Variants in KLHL32 observed in about 807,000 individuals in gnomAD.
KLHL32 encodes the protein kelch like family member 32.
In KLHL32, 35 loss-of-function variants were observed where a neutral mutation model predicts 64.8. The ratio of observed to expected loss-of-function variants is 0.54; its 90% CI spans 0.41 to 0.72. The LOEUF (loss-of-function observed/expected upper bound fraction) is 0.72. KLHL32 is among the 30% of genes least tolerant of loss of function. The pLI is 0.00. For missense variants in KLHL32, 589 were observed against 768.5 expected (o/e 0.77, Z 2.76); for synonymous variants, 259 against 281.0 (o/e 0.92, Z 0.78).
chr6:97,028,877 G>A (rs1390531423), intron 3 of KLHL32, among the ~76,000 whole-genome samples: 1 of 152,224 alleles, frequency 6.6e-6, no homozygotes, highest in African/African-American at 2.4e-5. Flanking sequence ...TTTGTATGGT[G>A]GGTAGGAATG....
chr6:97,068,478 A>G (rs1406303673), intron 5 of KLHL32, among the ~76,000 whole-genome samples: 1 of 152,252 alleles, frequency 6.6e-6, no homozygotes, highest in Non-Finnish European at 1.5e-5. Flanking sequence ...AATAATGAAA[A>G]GAAAAATTAT....
intron 3 of KLHL32, among the ~76,000 whole-genome samples, chr6:96,989,755 T>C (rs867611600): frequency 5.9e-5 from 9 of 152,200 alleles, no homozygotes; most frequent in Non-Finnish European, 1.0e-4. Flanking sequence ...TTACCTGTGG[T>C]CTCTTTACAT....
At chr6:97,072,725 T>G (rs1050376775) in intron 5 of KLHL32, among the ~76,000 whole-genome samples, 1 of 152,218 alleles carries the variant, frequency 6.6e-6, no homozygotes, top group Non-Finnish European at 1.5e-5. Flanking sequence ...TATTTAACTT[T>G]CAAGTACTTG....
chr6:96,940,948 A>G (rs1046095512), intron 1 of KLHL32, among the ~76,000 whole-genome samples: 3 of 152,224 alleles, frequency 2.0e-5, no homozygotes, highest in African/African-American at 7.2e-5. Flanking sequence ...AATTCAGAGA[A>G]TGGAAAGCGT....
In KLHL32 at chr6:97,016,762, C is replaced by T. The variant is rs183772021; in HGVS notation, c.205-24730C>T. 5.5e-4 allele frequency among the ~76,000 whole-genome samples: 83 copies of T among 152,234 alleles called. 2 individuals are homozygous for T. Among genetic ancestry groups the T allele is most frequent in the Admixed American group, 3.1e-3 (48 of 15,288 alleles). On this transcript the variant is annotated intron_variant, in intron 3 of 10. Transcript: ENST00000369261. ...CTGTGTCCCCAGCCAAATCTCATCT[C>T]GAATTGCAATCCCCATAATCCTGGG...
intron 10 of KLHL32, 84 bp downstream of exon 10, chr6:97,132,831 T>A: frequency 1.1e-6 from 1 of 942,636 alleles, no homozygotes; most frequent in Non-Finnish European, 1.6e-6. Flanking sequence ...AAGAAAGAGA[T>A]ATTTATGTTT....
intron 7 of KLHL32, among the ~76,000 whole-genome samples, chr6:97,117,379 G>C (rs1351990089): frequency 2.0e-5 from 3 of 152,128 alleles, no homozygotes; most frequent in Non-Finnish European, 2.9e-5. Context: ...GTGGATTTTA[G>C]GGTCTTGGTT....
chr6:96,975,970 T>C, intron 2 of KLHL32, 27 bp from the exon 3 acceptor site: 2 of 1,491,858 alleles, frequency 1.3e-6, no homozygotes, highest in Non-Finnish European at 1.8e-6. Context: ...AAAGGAAAAA[T>C]GTTGACTTGA....
intron 1 of KLHL32, among the ~76,000 whole-genome samples, chr6:96,937,782 C>CT (rs1770794042): frequency 6.6e-6 from 1 of 152,156 alleles, no homozygotes; most frequent in African/African-American, 2.4e-5. Flanking sequence ...CTCTGTGCCA[C>CT]TTTCTTTATC....
chr6:97,026,096 A>G lies in KLHL32; in HGVS notation c.205-15396A>G, dbSNP rs150680875. Among the ~76,000 whole-genome samples, 608 of 151,918 alleles carry G rather than the reference A, an allele frequency of 4.0e-3. 2 individuals carry two copies. The highest frequency in any genetic ancestry group is 0.014 in the African/African-American group (576 of 41,526). ...ATAAATTTTGAGAAATAAATACATT[A>G]TATATATATAAATGTTCATAGGATT... On this transcript the variant is annotated intron_variant, in intron 3 of 10. Transcript: ENST00000369261.
chr6:97,114,614 C>T (rs551058793), intron 7 of KLHL32, 105 bp downstream of exon 7: 5 of 1,332,992 alleles, frequency 3.8e-6, no homozygotes, highest in Middle Eastern at 2.1e-4. Context: ...AAAGATTGAA[C>T]CAAGCATGCC....
the KLHL32 span, among the ~76,000 whole-genome samples, chr6:96,898,489 C>T: frequency 6.6e-6 from 1 of 152,048 alleles, no homozygotes; most frequent in Non-Finnish European, 1.5e-5. Context: ...ATTCTTTTTC[C>T]ATTATTTTTT....
At chr6:96,999,594 T>C (rs2128075695) in intron 3 of KLHL32, 1 of 817,690 alleles carries the variant, frequency 1.2e-6, no homozygotes. Flanking sequence ...TATTTTCTTT[T>C]TCTGATGACA....
At chr6:97,080,205 C>T (rs1295702457) in intron 5 of KLHL32, among the ~76,000 whole-genome samples, 1 of 152,080 alleles carries the variant, frequency 6.6e-6, no homozygotes, top group Non-Finnish European at 1.5e-5. Flanking sequence ...ACGCAGAAAA[C>T]AGGATGACCA....
At chr6:97,037,598 A>G (rs972027647) in intron 3 of KLHL32, among the ~76,000 whole-genome samples, 1 of 152,158 alleles carries the variant, frequency 6.6e-6, no homozygotes, top group Non-Finnish European at 1.5e-5. Context: ...CTAAAATAAC[A>G]ATACTATCCA....
intron 3 of KLHL32, among the ~76,000 whole-genome samples, chr6:96,991,266 A>G (rs1202401997): frequency 2.6e-5 from 4 of 151,938 alleles, no homozygotes; most frequent in Non-Finnish European, 5.9e-5. Flanking sequence ...AGCAGTGGAA[A>G]TGCTCAGCTG....
Position 97,024,456 on chromosome 6 carries a change from A to T in KLHL32, c.205-17036A>T, listed in dbSNP as rs1463599152. Among the ~76,000 whole-genome samples the T allele has an allele frequency of 4.6e-5, 7 of 151,364 alleles. No homozygotes were observed. In the East Asian group the frequency reaches 1.4e-3, roughly 29 times the overall value. On this transcript the variant is annotated intron_variant, in intron 3 of 10. Transcript: ENST00000369261. ...ATAATTTCCTTTTGAAACTGAGCACATTTCATTAAAAATGGATTTCCTTTT... is the reference window on the plus strand; with the variant it reads ...ATAATTTCCTTTTGAAACTGAGCACTTTTCATTAAAAATGGATTTCCTTTT...
In KLHL32 at chr6:97,070,871, G is replaced by T. The variant is rs558235304; in HGVS notation, c.411+6145G>T. Among the ~76,000 whole-genome samples, 3 of 152,192 alleles carry T rather than the reference G, an allele frequency of 2.0e-5. No homozygotes were observed. In the South Asian group the frequency reaches 6.2e-4, roughly 32 times the overall value. On this transcript the variant is annotated intron_variant, in intron 5 of 10. Coordinates refer to ENST00000369261, the MANE Select transcript of KLHL32 (RefSeq NM_052904.4). ...ATTAATACTTGGAAATTGGTGGGGG[G>T]TGTGTAAAAGAAGATCTGTGTTTCA...
At chr6:97,036,959 A>T (rs910841843) in intron 3 of KLHL32, among the ~76,000 whole-genome samples, 1 of 152,248 alleles carries the variant, frequency 6.6e-6, no homozygotes, top group Non-Finnish European at 1.5e-5. Flanking sequence ...TTCTGTTGGC[A>T]CTAAGCTGTA....
Sources: allele counts gnomAD v4.1 joint callset (sites outside exome capture counted in the v4.1 genomes callset), GRCh38; gene constraint gnomAD v4.1.1; transcripts MANE v1.5; gene names NCBI Gene and HGNC (gene_info 2026-07-23, HGNC 2026-07-21).